COG5: variants seen among roughly 807,000 people sequenced by gnomAD.
The protein encoded by COG5 is conserved oligomeric Golgi complex subunit 5.
Under a neutral mutation model 110.4 loss-of-function variants are expected in COG5, and 86 were observed. The observed-to-expected ratio is 0.78, with a 90% CI of 0.65 to 0.93. The LOEUF (loss-of-function observed/expected upper bound fraction) is 0.93, where lower values mean the gene tolerates loss of function less well. Among genes scored for constraint, COG5 ranks in the 40% least tolerant of loss-of-function variants. COG5 has a pLI of 0.00. For synonymous variants in COG5, 360 were observed against 334.6 expected (o/e 1.08, Z -0.83); for missense variants, 1,077 against 987.0 (o/e 1.09, Z -1.22).
intron 6 of COG5, among the ~76,000 whole-genome samples, chr7:107,473,288 A>G (rs1401906281): frequency 6.6e-6 from 1 of 151,944 alleles, no homozygotes. Flanking sequence ...GTCACAAAAT[A>G]AATCATTTCA....
At chr7:107,420,716 A>C (rs1488543115) in intron 6 of COG5, among the ~76,000 whole-genome samples, 1 of 152,126 alleles carries the variant, frequency 6.6e-6, no homozygotes, top group African/African-American at 2.4e-5. Flanking sequence ...CCGCCTCGGC[A>C]TCCCAAAGTG....
intron 6 of COG5, among the ~76,000 whole-genome samples, chr7:107,460,350 C>T (rs1002983840): frequency 6.6e-6 from 1 of 151,750 alleles, no homozygotes; most frequent in African/African-American, 2.4e-5. Flanking sequence ...CTACAGTGAC[C>T]AGTAATCGTA....
chr7:107,379,486 A>G (rs1431867606), intron 7 of COG5, among the ~76,000 whole-genome samples: 2 of 152,124 alleles, frequency 1.3e-5, no homozygotes, highest in Admixed American at 1.3e-4. Context: ...TAAATTGGAT[A>G]AAGAGTCAAG....
chr7:107,409,290 G>T (rs1792100182), intron 7 of COG5, among the ~76,000 whole-genome samples: 1 of 149,534 alleles, frequency 6.7e-6, no homozygotes, highest in Non-Finnish European at 1.5e-5. Context: ...GAGAAGAAAG[G>T]TTGTCAAGAA....
chr7:107,442,663 C>G (rs983410214), intron 6 of COG5, among the ~76,000 whole-genome samples: 1 of 145,858 alleles, frequency 6.9e-6, no homozygotes, highest in Non-Finnish European at 1.5e-5. Flanking sequence ...AAAAAAAAGT[C>G]TATACGAGAA....
chr7:107,478,000 T>C (rs1296473859), intron 6 of COG5, among the ~76,000 whole-genome samples: 1 of 151,892 alleles, frequency 6.6e-6, no homozygotes, highest in African/African-American at 2.4e-5. Flanking sequence ...ATAAACTCAA[T>C]ATGGGACCTT....
chr7:107,346,826 A>G lies in COG5; in HGVS notation c.1026+15207T>C, dbSNP rs765449901. Among the ~76,000 whole-genome samples the G allele has an allele frequency of 5.9e-5, 9 of 151,950 alleles. No homozygotes were observed. The South Asian group carries it at 8.3e-4, about 14-fold the overall frequency. The stretch of plus-strand genomic sequence containing the variant: ...CATTAACTTGTCATTTACATTAGGT[A>G]TATCTCCTAATGCTATCCCTCCCCA... On this transcript the variant is annotated intron_variant, in intron 10 of 21. Transcript: ENST00000297135.
At chr7:107,357,006 A>T (rs1812684130) in intron 10 of COG5, among the ~76,000 whole-genome samples, 1 of 152,156 alleles carries the variant, frequency 6.6e-6, no homozygotes, top group Non-Finnish European at 1.5e-5. Context: ...GACTCAAGAG[A>T]TATATCGTTG....
chr7:107,453,545 A>C (rs1293855191), intron 6 of COG5, among the ~76,000 whole-genome samples: 1 of 152,184 alleles, frequency 6.6e-6, no homozygotes, highest in Non-Finnish European at 1.5e-5. Context: ...GAACAGTCAA[A>C]ATCTAAATGC....
intron 6 of COG5, among the ~76,000 whole-genome samples, chr7:107,517,381 G>C (rs547285517): frequency 6.6e-5 from 10 of 152,272 alleles, no homozygotes; most frequent in African/African-American, 2.4e-4. Flanking sequence ...TGGAGTACCT[G>C]AAAGAGATGG....
At chr7:107,356,962 A>G (rs796477553) in intron 10 of COG5, among the ~76,000 whole-genome samples, 9 of 152,296 alleles carry the variant, frequency 5.9e-5, no homozygotes, top group African/African-American at 2.2e-4. Flanking sequence ...AGAGGTTAGA[A>G]AAAGAGATTT....
intron 6 of COG5, among the ~76,000 whole-genome samples, chr7:107,511,932 C>A (rs1209633726): frequency 6.6e-6 from 1 of 152,144 alleles, no homozygotes; most frequent in African/African-American, 2.4e-5. Flanking sequence ...CATCCACAGC[C>A]AATATCATAC....
At chr7:107,301,801 G>A (rs1807290841) in intron 11 of COG5, among the ~76,000 whole-genome samples, 1 of 152,058 alleles carries the variant, frequency 6.6e-6, no homozygotes, top group African/African-American at 2.4e-5. Context: ...TCCAGGAGGT[G>A]GAGGTTGCAG....
intron 14 of COG5, among the ~76,000 whole-genome samples, chr7:107,269,244 G>A (rs1018053839): frequency 3.3e-5 from 5 of 152,140 alleles, no homozygotes; most frequent in Admixed American, 3.3e-4. Flanking sequence ...GGGAGGCCGA[G>A]GCGGGGGGAT....
intron 8 of COG5, among the ~76,000 whole-genome samples, chr7:107,367,112 A>G (rs1813695789): frequency 1.3e-5 from 2 of 151,880 alleles, no homozygotes; most frequent in Non-Finnish European, 2.9e-5. Context: ...TTTCCAATTC[A>G]GTGGGGGAAG....
At chr7:107,552,646 T>C (rs941099153) in intron 3 of COG5, among the ~76,000 whole-genome samples, 1 of 152,118 alleles carries the variant, frequency 6.6e-6, no homozygotes. Flanking sequence ...GGTGAGGCTG[T>C]TGAGAAAAGG....
intron 11 of COG5, among the ~76,000 whole-genome samples, chr7:107,316,699 G>A (rs1808789267): frequency 6.6e-6 from 1 of 151,074 alleles, no homozygotes; most frequent in Non-Finnish European, 1.5e-5. Context: ...AGGCGTGGTG[G>A]CGGGCGGCTA....
intron 6 of COG5, among the ~76,000 whole-genome samples, chr7:107,496,308 T>C (rs1016257215): frequency 3.3e-5 from 5 of 152,160 alleles, no homozygotes; most frequent in Admixed American, 1.3e-4. Context: ...AAAAGGATCA[T>C]ACATCATGAA....
chr7:107,423,861 T>C lies in COG5; in HGVS notation c.539-11229A>G, dbSNP rs148301264. Among the ~76,000 whole-genome samples the C allele has an allele frequency of 4.6e-3, 693 of 152,234 alleles. 6 individuals carry two copies. Among genetic ancestry groups the C allele is most frequent in the African/African-American group, 0.016 (657 of 41,544 alleles). On this transcript the variant is annotated intron_variant, in intron 6 of 21. Transcript: ENST00000297135. ...TGAACCCTTTAACAACAAACTAAGATTCTATAGCTAATAAGTCAACAAATG... is the reference window on the plus strand; with the variant it reads ...TGAACCCTTTAACAACAAACTAAGACTCTATAGCTAATAAGTCAACAAATG...
Sources: allele counts gnomAD v4.1 joint callset (sites outside exome capture counted in the v4.1 genomes callset), GRCh38; gene constraint gnomAD v4.1.1; transcripts MANE v1.5; gene names NCBI Gene and HGNC (gene_info 2026-07-23, HGNC 2026-07-21).